DNAH2: variants seen among roughly 807,000 people sequenced by gnomAD.
The protein encoded by DNAH2 is axonemal beta dynein heavy chain 2.
In DNAH2, 323 loss-of-function variants were observed where a neutral mutation model predicts 523.5. That is an observed-to-expected ratio of 0.62 (90% CI 0.56 to 0.68). The LOEUF (loss-of-function observed/expected upper bound fraction) is 0.68. DNAH2 is among the 30% of genes least tolerant of loss of function. DNAH2 has a pLI of 0.00. For synonymous variants in DNAH2, 2,093 were observed against 2,177.4 expected (o/e 0.96, Z 1.08); for missense variants, 4,907 against 5,701.5 (o/e 0.86, Z 4.49).
rs185254587 is a variant in DNAH2, at chr17:7,719,593, G to T, written c.-14-128G>T. ...TTGTGGTTAATGGAGCAGGGTGTGG[G>T]TACCACCAGAAAAGATGATCATATT... On this transcript the variant is annotated intron_variant, in intron 1 of 85. Transcript: ENST00000572933. 1.9e-4 allele frequency: 223 copies of T among 1,198,456 alleles called. 2 individuals are homozygous for T. In the African/African-American group the frequency reaches 2.7e-3, roughly 15 times the overall value. The allele number at this position is 1,198,456 out of a possible 1,614,324, so 74.2% of individuals were successfully genotyped here.
In DNAH2 at chr17:7,760,018, G is replaced by T. The variant is rs967143120; in HGVS notation, c.2785+80G>T. 52 of 1,596,334 alleles carry T rather than the reference G, an allele frequency of 3.3e-5. No individual in the cohort carries two copies. In the African/African-American group the frequency reaches 6.3e-4, roughly 19 times the overall value. On this transcript the variant is annotated intron_variant, in intron 17 of 85. Coordinates refer to ENST00000572933, the MANE Select transcript of DNAH2 (RefSeq NM_020877.5). The surrounding 1 kb of genome is among the most constrained non-coding windows in gnomAD (Gnocchi z 4.0). ...GGCCAGGCCAGGAGGAGAGACCAGG[G>T]CTATTTCCAGGCATACTGGGCCAGT...
At chr17:7,732,972 T>G (rs906890046) in intron 4 of DNAH2, 115 bp from the exon 5 acceptor site, 2 of 975,092 alleles carry the variant, frequency 2.1e-6, no homozygotes, top group Non-Finnish European at 3.1e-6. Flanking sequence ...CACTTCCATT[T>G]AGAGAAGGAT....
Position 7,718,878 on chromosome 17 carries a change from T to C in DNAH2, c.-15+79T>C, listed in dbSNP as rs539752631. ...GGGAGGAGCATATTTCCATTTAACT[T>C]GGGAGGAAAAGAGGTACATAGGAAA... On this transcript the variant is annotated intron_variant, in intron 1 of 85. Coordinates refer to ENST00000572933, the MANE Select transcript of DNAH2 (RefSeq NM_020877.5). 4 of 152,710 alleles carry C rather than the reference T, an allele frequency of 2.6e-5. No homozygotes were observed. The East Asian group carries it at 7.7e-4, about 30-fold the overall frequency. The allele number at this position is 152,710 out of a possible 1,614,324, so 9.5% of individuals were successfully genotyped here.
At position 7,798,517 on chromosome 17, in the gene DNAH2, G is replaced by C. The variant is rs1028139854; in HGVS notation, c.8399-41G>C. ...GAAAAGGAATCAAGCCCAGGATGGG[G>C]AATCTGCAGTGAGTTTGTCCTCCTT... On this transcript the variant is annotated intron_variant, in intron 54 of 85. Transcript: ENST00000572933. This position sits in a 1 kb window ranked among gnomAD's most constrained non-coding sequence, Gnocchi z 5.5. 2.5e-6 allele frequency: 4 copies of C among 1,609,494 alleles called. No homozygotes were observed. In the African/African-American group the frequency reaches 5.3e-5, roughly 22 times the overall value.
Position 7,740,830 on chromosome 17 carries a change from C to A in DNAH2, c.1527C>A (p.Asp509Glu). 6.2e-7 allele frequency: 1 copy of A among 1,609,870 alleles called. No individual in the cohort carries two copies. The highest frequency in any genetic ancestry group is 8.5e-7 in the Non-Finnish European group (1 of 1,176,414). ...ASREAIKRTY[D>E]KKAVDLYMLF... is the part of the protein sequence containing the mutation. ...CCTAGGCTATCAAGCGGACTTATGA[C>A]AAGAAGGCGGTGGATCTCTACATGC... Residue 509 changes from aspartate to glutamate, a missense_variant, in exon 11 of 86, where the codon GAC becomes GAA. Asp to Glu is a conservative substitution (Grantham distance 45). Around this residue, in one of 3 missense-constraint regions of DNAH2, gnomAD observed 2,806 missense variants for 3,190.8 expected, o/e 0.88. Transcript: ENST00000572933.
intron 31 of DNAH2, 59 bp from the exon 32 acceptor site, chr17:7,776,720 C>A: frequency 7.3e-7 from 1 of 1,378,910 alleles, no homozygotes; most frequent in Non-Finnish European, 1.0e-6. Flanking sequence ...GACTTGGGAG[C>A]TGGGCTGTGC....
rs770953477 is a variant in DNAH2, at chr17:7,831,447, G to A, written c.12517G>A (p.Gly4173Arg). The A allele has an allele frequency of 3.1e-6, 5 of 1,614,074 alleles. No homozygotes were observed. Among genetic ancestry groups the A allele is most frequent in the Non-Finnish European group, 4.2e-6 (5 of 1,179,986 alleles). The change falls in exon 81 of 86, where the codon GGG becomes AGG. Residue 4173 changes from glycine (G) to arginine (R), a missense_variant. Coordinates refer to ENST00000572933, the MANE Select transcript of DNAH2 (RefSeq NM_020877.5). The surrounding 1 kb of genome is among the most constrained non-coding windows in gnomAD (Gnocchi z 4.2). Reference sequence around the variant, plus strand: ...GATCCCTGAAATGATCGACTATGAGGGGACTCAAAAACTGCTAGCTCTCGA... The same window carrying A: ...GATCCCTGAAATGATCGACTATGAGAGGACTCAAAAACTGCTAGCTCTCGA... Reference protein sequence around the residue: ...QKIPEMIDYEGTQKLLALDPS... With the variant: ...QKIPEMIDYERTQKLLALDPS...
chr17:7,816,296 AC>A (rs35940448), intron 63 of DNAH2, among the ~76,000 whole-genome samples: 64,881 of 151,850 alleles, frequency 0.43, 15,952 homozygotes, highest in Non-Finnish European at 0.55. Context: ...CTACCCAGCT[AC>A]CCTGAAACTA....
chr17:7,770,870 C>T lies in DNAH2; in HGVS notation c.4299C>T (p.Leu1433=). ...ATGTGGACCACTGGGAACGCTGCCT[C>T]TCCCTCATTTTGGAGGTTATTGAGA... ...EKDVDHWERC[L]SLILEVIEMI... The change falls in exon 27 of 86, where the codon CTC becomes CTT. Residue 1433 remains leucine (L), a synonymous_variant. Transcript: ENST00000572933. 3.7e-6 allele frequency: 6 copies of T among 1,614,194 alleles called. No individual in the cohort carries two copies. Among genetic ancestry groups the T allele is most frequent in the Middle Eastern group, 1.7e-4 (1 of 6,052 alleles).
In DNAH2 at chr17:7,832,486, G is replaced by A. The variant is rs1237191474; in HGVS notation, c.12727-93G>A. 1 of 1,473,936 alleles carries A rather than the reference G, an allele frequency of 6.8e-7. No individual in the cohort carries two copies. The highest frequency in any genetic ancestry group is 9.2e-7 in the Non-Finnish European group (1 of 1,085,066). The allele number at this position is 1,473,936 out of a possible 1,614,324, so 91.3% of individuals were successfully genotyped here. On this transcript the variant is annotated intron_variant, in intron 82 of 85. Coordinates refer to ENST00000572933, the MANE Select transcript of DNAH2 (RefSeq NM_020877.5). This position sits in a 1 kb window ranked among gnomAD's most constrained non-coding sequence, Gnocchi z 4.3. ...ATCGTACCACTGCACTCCAGCCTGGGGGACAAGAGCAAAACTCTGTCTCTA... is the reference window on the plus strand; with the variant it reads ...ATCGTACCACTGCACTCCAGCCTGGAGGACAAGAGCAAAACTCTGTCTCTA...
At chr17:7,802,229 G>A (rs773220022) in intron 58 of DNAH2, among the ~76,000 whole-genome samples, 5 of 152,160 alleles carry the variant, frequency 3.3e-5, no homozygotes, top group Non-Finnish European at 7.3e-5. Context: ...CACCCTCTTG[G>A]CCCTTATTTT....
chr17:7,816,399 C>G (rs529526523), intron 63 of DNAH2, among the ~76,000 whole-genome samples, 172 bp from the exon 64 acceptor site: 4 of 152,172 alleles, frequency 2.6e-5, no homozygotes, highest in Non-Finnish European at 4.4e-5. Context: ...TTACTCTTCA[C>G]GATAACCCTA....
At chr17:7,761,982 CT>C (rs544123962) in intron 18 of DNAH2, among the ~76,000 whole-genome samples, 82 of 152,040 alleles carry the variant, frequency 5.4e-4, no homozygotes, top group Middle Eastern at 3.4e-3. Flanking sequence ...AAAAGTATCG[CT>C]GAAAGAGTGG....
At position 7,786,906 on chromosome 17, in the gene DNAH2, C is replaced by A. The variant is rs776336251; in HGVS notation, c.6476C>A (p.Pro2159His). 6.2e-7 allele frequency: 1 copy of A among 1,614,208 alleles called. No individual in the cohort carries two copies. Among genetic ancestry groups the A allele is most frequent in the Admixed American group, 1.7e-5 (1 of 60,028 alleles). ...CCCACCATCTACTCAGATGAGAAAC[C>A]CGACGAGAAGTGGATCCTGTTCGAT... is the stretch of plus-strand genomic sequence containing the variant. ...VMRTACADEK[P>H]DEKWILFDGP... The change falls in exon 42 of 86, where the codon CCC becomes CAC. Residue 2159 changes from proline to histidine, a missense_variant. This residue lies in a region of DNAH2 where 2,806 missense variants were observed against 3,190.8 expected (regional missense o/e 0.88). Transcript: ENST00000572933. This position sits in a 1 kb window ranked among gnomAD's most constrained non-coding sequence, Gnocchi z 7.5.
At position 7,719,756 on chromosome 17, in the gene DNAH2, A is replaced by G. The variant is rs750535450; in HGVS notation, c.22A>G (p.Lys8Glu). Residue 8 changes from lysine to glutamate, a missense_variant, in exon 2 of 86, where the codon AAG becomes GAG. By Grantham distance (56) the Lys-to-Glu change is moderately conservative. This residue lies in a region of DNAH2 where 2,806 missense variants were observed against 3,190.8 expected (regional missense o/e 0.88). Transcript: ENST00000572933. ...CACGATGTCCAGCAAAGCTGAGAAG[A>G]AGCAGCGATTGAGTGGCCGAGGAAG... MSSKAEK[K>E]QRLSGRGSSQ... 8 of 1,614,196 alleles carry G rather than the reference A, an allele frequency of 5.0e-6. No homozygotes were observed. The highest frequency in any genetic ancestry group is 5.9e-6 in the Non-Finnish European group (7 of 1,180,036).
chr17:7,830,858 C>T lies in DNAH2; in HGVS notation c.12230+16C>T. The T allele has an allele frequency of 1.2e-6, 2 of 1,613,432 alleles. No homozygotes were observed. The highest frequency in any genetic ancestry group is 1.1e-5 in the South Asian group (1 of 91,058). ...CCTTCCACCGGTGAGGGGGAGGTGGCCCTGGACAGGGAGCCAGAGGTCACA... is the reference window on the plus strand; with the variant it reads ...CCTTCCACCGGTGAGGGGGAGGTGGTCCTGGACAGGGAGCCAGAGGTCACA... On this transcript the variant is annotated intron_variant, in intron 79 of 85. Coordinates refer to ENST00000572933, the MANE Select transcript of DNAH2 (RefSeq NM_020877.5).
chr17:7,767,894 CT>C lies in DNAH2; in HGVS notation c.3676-5del. On this transcript the variant is annotated splice_polypyrimidine_tract_variant and splice_region_variant and intron_variant, in intron 22 of 85. Transcript: ENST00000572933. ...ACTTCATGCAACGCGCCTTTCTGCC[CT>C]GTAGGAGCTCGATGCCCTCCAGCAA... is the stretch of plus-strand genomic sequence containing the variant. 6.2e-7 allele frequency: 1 copy of C among 1,614,080 alleles called. No homozygotes were observed. Among genetic ancestry groups the C allele is most frequent in the East Asian group, 2.2e-5 (1 of 44,874 alleles).
rs2075164703 is a variant in DNAH2, at chr17:7,737,111, C to T, written c.1023C>T (p.Ile341=). 5 of 1,614,164 alleles carry T rather than the reference C, an allele frequency of 3.1e-6. No individual in the cohort carries two copies. The highest frequency in any genetic ancestry group is 4.2e-6 in the Non-Finnish European group (5 of 1,180,022). The change falls in exon 8 of 86, where the codon ATC becomes ATT. Residue 341 remains isoleucine, a synonymous_variant. Coordinates refer to ENST00000572933, the MANE Select transcript of DNAH2 (RefSeq NM_020877.5). ...QAQSNLTFLS[I]LKEPYQELAF... is the part of the protein sequence containing the mutation. The stretch of plus-strand genomic sequence containing the variant: ...AGTCAAACCTGACCTTTTTGTCAAT[C>T]CTGAAGGAACCTTACCAGGAGTTGG...
At chr17:7,788,332 AG>A in intron 44 of DNAH2, 88 bp downstream of exon 44, 1 of 1,439,958 alleles carries the variant, frequency 6.9e-7, no homozygotes, top group Non-Finnish European at 9.2e-7. Context: ...TGTCTGAGAC[AG>A]GTTGAACTCC....
Sources: gnomAD v4.1 joint callset for allele counts (sites outside exome capture counted in the v4.1 genomes callset) on GRCh38, gnomAD v4.1.1 for gene constraint, gnomAD v4.1.1 regional missense constraint, Gnocchi (gnomAD v3.1) non-coding constraint, MANE v1.5 for transcripts, NCBI Gene and HGNC (gene_info 2026-07-23, HGNC 2026-07-21) for gene names.